KCNN2: variants seen among roughly 807,000 people sequenced by gnomAD.
KCNN2 encodes potassium calcium-activated channel subfamily N member 2, also known as small conductance calcium-activated potassium channel protein 2.
KCNN2 carries 24 observed loss-of-function variants against 55.5 expected under a neutral mutation model. The observed-to-expected ratio is 0.43, with a 90% CI of 0.31 to 0.61. The LOEUF (loss-of-function observed/expected upper bound fraction) is 0.61. KCNN2 is among the 20% of genes least tolerant of loss of function. The probability of loss-of-function intolerance (pLI) is 0.08; values close to 1 mark genes in which losing one functional copy is unlikely to be tolerated. For synonymous variants in KCNN2, 431 were observed against 336.1 expected (o/e 1.28, Z -3.09); for missense variants, 754 against 853.6 (o/e 0.88, Z 1.45).
chr5:114,490,908 T>C (rs369621992), intron 6 of KCNN2, among the ~76,000 whole-genome samples: 153 of 152,290 alleles, frequency 1.0e-3, no homozygotes, highest in South Asian at 7.2e-3. Flanking sequence ...AAAAGTGTAA[T>C]ACACATCTGC....
At chr5:114,078,056 A>G (rs947454295) in intron 1 of KCNN2, among the ~76,000 whole-genome samples, 2 of 152,224 alleles carry the variant, frequency 1.3e-5, no homozygotes, top group Admixed American at 6.5e-5. Context: ...CAGTACAGTT[A>G]TGTTGCAGAT....
intron 1 of KCNN2, among the ~76,000 whole-genome samples, chr5:114,193,963 A>G (rs896950860): frequency 2.0e-5 from 3 of 152,176 alleles, no homozygotes; most frequent in Non-Finnish European, 4.4e-5. Context: ...TTGTGTAACC[A>G]TCACCACAAT....
intron 3 of KCNN2, among the ~76,000 whole-genome samples, chr5:114,461,769 T>C (rs1450379232): frequency 6.7e-6 from 1 of 149,302 alleles, no homozygotes; most frequent in East Asian, 1.9e-4. Flanking sequence ...TGGTCCAGTG[T>C]AGGTTGCATA....
intron 3 of KCNN2, among the ~76,000 whole-genome samples, chr5:114,425,435 A>G (rs1759591899): frequency 6.6e-6 from 1 of 152,170 alleles, no homozygotes; most frequent in African/African-American, 2.4e-5. Flanking sequence ...TCAAATGCCA[A>G]TCTGTTGACC....
chr5:114,355,617 G>A (rs1757281452), intron 2 of KCNN2, among the ~76,000 whole-genome samples: 1 of 152,110 alleles, frequency 6.6e-6, no homozygotes, highest in Admixed American at 6.5e-5. Context: ...TCACTCTTTG[G>A]CATAAAAGGA....
chr5:114,483,789 T>A (rs1430522552), intron 5 of KCNN2, among the ~76,000 whole-genome samples: 2 of 152,022 alleles, frequency 1.3e-5, no homozygotes, highest in Non-Finnish European at 2.9e-5. Context: ...ACTTTACTTA[T>A]TTTTTGATAA....
chr5:114,061,968 A>G (rs941045591), intron 1 of KCNN2, among the ~76,000 whole-genome samples: 1 of 152,288 alleles, frequency 6.6e-6, no homozygotes, highest in African/African-American at 2.4e-5. Flanking sequence ...TAAAAACTGA[A>G]TGACTTATTT....
exon 1 of KCNN2, chr5:114,056,190 G>T: frequency 2.5e-6 from 1 of 393,868 alleles, no homozygotes; most frequent in East Asian, 3.6e-5. Context: ...AGTGGGCAGC[G>T]GGGGCCTGGC....
chr5:114,220,638 C>A (rs557941877), intron 1 of KCNN2, among the ~76,000 whole-genome samples: 32 of 152,066 alleles, frequency 2.1e-4, no homozygotes, highest in African/African-American at 7.7e-4. Flanking sequence ...GAAATCCTGG[C>A]ATTGAAAATT....
At chr5:114,067,481 A>T (rs145049278) in intron 1 of KCNN2, among the ~76,000 whole-genome samples, 1 of 152,316 alleles carries the variant, frequency 6.6e-6, no homozygotes, top group East Asian at 1.9e-4. Context: ...ATCTAATGGG[A>T]TATAAGTGAT....
intron 1 of KCNN2, among the ~76,000 whole-genome samples, chr5:114,215,275 A>G (rs1280789703): frequency 2.6e-5 from 4 of 152,184 alleles, no homozygotes; most frequent in African/African-American, 9.6e-5. Context: ...AGCCATAATC[A>G]CTTTTATCTT....
rs564069553 is a variant in KCNN2 at position 114,169,596 on chromosome 5, T to C, written c.-270-51884T>C. Among the ~76,000 whole-genome samples, 4 of 152,244 alleles carry C rather than the reference T, an allele frequency of 2.6e-5. No individual in the cohort carries two copies. The South Asian group carries it at 6.2e-4, about 24-fold the overall frequency. On this transcript the variant is annotated intron_variant, in intron 1 of 10. Coordinates refer to the KCNN2 transcript ENST00000512097. ...CAGGAAGAATGCGACAGAGCCGTTA[T>C]TATGTGCTCCATCTTTTAATGTACT...
chr5:114,430,480 T>C (rs1225903330), intron 3 of KCNN2, among the ~76,000 whole-genome samples: 1 of 152,110 alleles, frequency 6.6e-6, no homozygotes, highest in East Asian at 1.9e-4. Context: ...CTTGCAATAC[T>C]TACTTATTAG....
At chr5:114,177,163 A>C (rs959434209) in intron 1 of KCNN2, among the ~76,000 whole-genome samples, 6 of 137,788 alleles carry the variant, frequency 4.4e-5, no homozygotes, top group African/African-American at 1.6e-4. Flanking sequence ...TTTGAAACGG[A>C]GTCTCGCTCT....
At chr5:114,123,790 C>T (rs893965816) in intron 1 of KCNN2, among the ~76,000 whole-genome samples, 1 of 152,156 alleles carries the variant, frequency 6.6e-6, no homozygotes, top group Non-Finnish European at 1.5e-5. Context: ...ATTTCTCTTA[C>T]ACTGTATGCT....
chr5:114,058,280 G>C (rs980314565), intron 1 of KCNN2, among the ~76,000 whole-genome samples: 2 of 151,954 alleles, frequency 1.3e-5, no homozygotes, highest in Non-Finnish European at 2.9e-5. Context: ...CTGCAATAAC[G>C]TTATATAAAT....
chr5:114,158,253 A>T (rs1377921534), intron 1 of KCNN2, among the ~76,000 whole-genome samples: 1 of 152,208 alleles, frequency 6.6e-6, no homozygotes, highest in Non-Finnish European at 1.5e-5. Flanking sequence ...GCATTTGTTA[A>T]GTAGGGAATC....
At chr5:114,115,700 G>A (rs1751695720) in intron 1 of KCNN2, among the ~76,000 whole-genome samples, 1 of 152,018 alleles carries the variant, frequency 6.6e-6, no homozygotes, top group South Asian at 2.1e-4. Context: ...AAAAAAAAAG[G>A]TAAGATTGAA....
At chr5:114,057,501 A>G (rs910204858) in intron 1 of KCNN2, among the ~76,000 whole-genome samples, 6 of 152,230 alleles carry the variant, frequency 3.9e-5, no homozygotes, top group Non-Finnish European at 7.3e-5. Flanking sequence ...TGTCACTCAC[A>G]TATTCATCCA....
Sources: allele counts gnomAD v4.1 joint callset (sites outside exome capture counted in the v4.1 genomes callset), GRCh38; gene constraint gnomAD v4.1.1; transcripts MANE v1.5; gene names NCBI Gene and HGNC (gene_info 2026-07-23, HGNC 2026-07-21).